Variants in CDC42SE2 observed in about 807,000 individuals in gnomAD.
CDC42SE2 encodes the protein CDC42 small effector protein 2.
Under a neutral mutation model 11.5 loss-of-function variants are expected in CDC42SE2, and 3 were observed. The ratio of observed to expected loss-of-function variants is 0.26; its 90% CI spans 0.12 to 0.67. CDC42SE2 has a LOEUF of 0.67. Ranked by LOEUF, CDC42SE2 falls within the 30% of genes least tolerant of loss-of-function variation. The pLI is 0.80. For synonymous variants in CDC42SE2, 33 were observed against 34.8 expected (o/e 0.95, Z 0.18); for missense variants, 82 against 106.8 (o/e 0.77, Z 1.02).
Position 131,311,605 on chromosome 5 carries a change from C to T in CDC42SE2, c.-454-4371C>T, listed in dbSNP as rs556493975. Among the ~76,000 whole-genome samples the T allele has an allele frequency of 1.2e-3, 183 of 152,294 alleles. 1 individual carries two copies. Among genetic ancestry groups the T allele is most frequent in the African/African-American group, 4.2e-3 (176 of 41,550 alleles). On this transcript the variant is annotated intron_variant, in intron 1 of 4. Transcript: ENST00000505065. Reference sequence around the variant, plus strand: ...CAATCAGACGTAGATTTGGTCTTTTCACATAGTCCCATATTTCTTGAAGAC... The same window carrying T: ...CAATCAGACGTAGATTTGGTCTTTTTACATAGTCCCATATTTCTTGAAGAC...
chr5:131,356,348 G>A (rs1164669111), intron 2 of CDC42SE2, among the ~76,000 whole-genome samples: 1 of 152,124 alleles, frequency 6.6e-6, no homozygotes. Context: ...CAGTGTTGAA[G>A]TTTCTTGTGA....
At chr5:131,380,856 C>G (rs1052751511) in intron 3 of CDC42SE2, among the ~76,000 whole-genome samples, 2 of 152,180 alleles carry the variant, frequency 1.3e-5, no homozygotes, top group Admixed American at 1.3e-4. Flanking sequence ...TCTCTGTTCT[C>G]TTTCTCCATT....
intron 1 of CDC42SE2, among the ~76,000 whole-genome samples, chr5:131,285,991 G>C (rs1330499187): frequency 1.3e-5 from 2 of 151,438 alleles, no homozygotes; most frequent in African/African-American, 2.4e-5. Flanking sequence ...TGTCTAACTA[G>C]CAGAACCTTG....
chr5:131,323,714 A>T (rs940760125), intron 2 of CDC42SE2, among the ~76,000 whole-genome samples: 1 of 152,168 alleles, frequency 6.6e-6, no homozygotes, highest in East Asian at 1.9e-4. Flanking sequence ...GTGTACCAAC[A>T]TCTAAAATAA....
intron 1 of CDC42SE2, among the ~76,000 whole-genome samples, chr5:131,307,031 A>G (rs536832950): frequency 1.3e-5 from 2 of 152,106 alleles, no homozygotes; most frequent in African/African-American, 2.4e-5. Flanking sequence ...GTCATCAGCA[A>G]ACAGATACAA....
At chr5:131,371,456 T>C (rs1003552362) in intron 3 of CDC42SE2, among the ~76,000 whole-genome samples, 1 of 152,240 alleles carries the variant, frequency 6.6e-6, no homozygotes, top group Admixed American at 6.5e-5. Flanking sequence ...AACTTTCTTA[T>C]AGTTTCTTGA....
intron 1 of CDC42SE2, among the ~76,000 whole-genome samples, chr5:131,276,719 A>G (rs2149697993): frequency 1.5e-5 from 2 of 136,686 alleles, no homozygotes; most frequent in South Asian, 4.8e-4. Flanking sequence ...TATAAACATG[A>G]CCATTAGAAT....
chr5:131,299,583 G>A (rs1757639144), intron 1 of CDC42SE2, among the ~76,000 whole-genome samples: 1 of 152,156 alleles, frequency 6.6e-6, no homozygotes, highest in South Asian at 2.1e-4. Flanking sequence ...TAAGAAGCAG[G>A]GTTCAGTAAA....
intron 3 of CDC42SE2, among the ~76,000 whole-genome samples, chr5:131,382,955 C>T (rs1326803463): frequency 6.6e-6 from 1 of 152,174 alleles, no homozygotes; most frequent in African/African-American, 2.4e-5. Flanking sequence ...CTGTTAACAT[C>T]TTTTTTCCCT....
intron 2 of CDC42SE2, among the ~76,000 whole-genome samples, chr5:131,338,889 A>T (rs1049622196): frequency 2.0e-5 from 3 of 152,140 alleles, no homozygotes; most frequent in Non-Finnish European, 4.4e-5. Flanking sequence ...TAAAATGTAC[A>T]CTGCAACTTG....
chr5:131,279,389 G>A (rs149726625), intron 1 of CDC42SE2, among the ~76,000 whole-genome samples: 122 of 151,498 alleles, frequency 8.1e-4, no homozygotes, highest in South Asian at 6.5e-3. Context: ...ATTGAAAGGC[G>A]TTACTTTTCT....
intron 1 of CDC42SE2, among the ~76,000 whole-genome samples, chr5:131,254,106 A>C (rs1756661461): frequency 1.3e-5 from 2 of 152,164 alleles, no homozygotes; most frequent in Non-Finnish European, 2.9e-5. Flanking sequence ...ACATAGGTAT[A>C]CATGTGCCAC....
intron 1 of CDC42SE2, among the ~76,000 whole-genome samples, chr5:131,308,263 G>A (rs1250822745): frequency 2.0e-5 from 3 of 151,912 alleles, no homozygotes; most frequent in East Asian, 1.9e-4. Flanking sequence ...GTAGATATGC[G>A]GCGTTATTTC....
the CDC42SE2 span, among the ~76,000 whole-genome samples, chr5:131,232,586 T>C: frequency 4.0e-5 from 6 of 151,544 alleles, no homozygotes; most frequent in Admixed American, 3.3e-4. Flanking sequence ...TACCAAACAT[T>C]AGCCAGGTGT....
At chr5:131,350,448 A>G (rs890612654) in intron 2 of CDC42SE2, among the ~76,000 whole-genome samples, 2 of 152,080 alleles carry the variant, frequency 1.3e-5, no homozygotes, top group Non-Finnish European at 2.9e-5. Flanking sequence ...ACAGAACTAT[A>G]ATGGGATGAT....
At chr5:131,211,876 G>T in the CDC42SE2 span, among the ~76,000 whole-genome samples, 3 of 151,226 alleles carry the variant, frequency 2.0e-5, no homozygotes, top group Non-Finnish European at 4.4e-5. Flanking sequence ...CTCCGCTACT[G>T]GGGGGCTGAG....
chr5:131,353,283 ATT>A (rs34522192), intron 2 of CDC42SE2, among the ~76,000 whole-genome samples: 46 of 143,202 alleles, frequency 3.2e-4, no homozygotes, highest in East Asian at 4.1e-4. Context: ...TTTATTAATA[ATT>A]TTTTTTTTTT....
At chr5:131,380,284 C>T (rs1181653153) in intron 3 of CDC42SE2, among the ~76,000 whole-genome samples, 1 of 152,092 alleles carries the variant, frequency 6.6e-6, no homozygotes, top group Admixed American at 6.5e-5. Flanking sequence ...TCCAGAGCCC[C>T]AAGTCCATTT....
At chr5:131,304,495 G>C (rs190530468) in intron 1 of CDC42SE2, among the ~76,000 whole-genome samples, 84 of 152,188 alleles carry the variant, frequency 5.5e-4, no homozygotes, top group Non-Finnish European at 9.7e-4. Context: ...TTTAGTAACG[G>C]TATCCACATG....
Sources: allele counts gnomAD v4.1 joint callset (sites outside exome capture counted in the v4.1 genomes callset), GRCh38; gene constraint gnomAD v4.1.1; transcripts MANE v1.5; gene names NCBI Gene and HGNC (gene_info 2026-07-23, HGNC 2026-07-21).